The following EPHA6 variants were observed in gnomAD, a reference collection of about 807,000 sequenced individuals.
EPHA6 encodes the protein EPH receptor A6.
EPHA6 carries 50 observed loss-of-function variants against 112.0 expected under a neutral mutation model. That is an observed-to-expected ratio of 0.45 (90% CI 0.36 to 0.56). The LOEUF is 0.56. Ranked by LOEUF, EPHA6 falls within the 20% of genes least tolerant of loss-of-function variation. The pLI is 0.00. For missense variants in EPHA6, 1,280 were observed against 1,417.4 expected (o/e 0.90, Z 1.56); for synonymous variants, 529 against 490.7 (o/e 1.08, Z -1.03).
Position 97,616,867 on chromosome 3 carries a change from C to G in EPHA6, c.2574+6013C>G, listed in dbSNP as rs538681614. On this transcript the variant is annotated intron_variant, in intron 13 of 17. Coordinates refer to ENST00000389672, the MANE Select transcript of EPHA6 (RefSeq NM_001080448.3). ...ATGTAGAAAACATATTTCAGAATAT[C>G]ATCCATGAGAACTTACCCAACCAAG... 2.6e-5 allele frequency among the ~76,000 whole-genome samples: 4 copies of G among 152,184 alleles called. No individual in the cohort carries two copies. In the East Asian group the frequency reaches 7.7e-4, roughly 29 times the overall value.
At chr3:97,396,313 C>T (rs529232846) in intron 5 of EPHA6, among the ~76,000 whole-genome samples, 1 of 147,658 alleles carries the variant, frequency 6.8e-6, no homozygotes, top group Non-Finnish European at 1.5e-5. Flanking sequence ...ATAGGTAAAC[C>T]TTAATATATC....
chr3:97,282,340 A>G (rs1214242657), intron 5 of EPHA6, among the ~76,000 whole-genome samples: 7 of 152,168 alleles, frequency 4.6e-5, no homozygotes, highest in African/African-American at 1.4e-4. Context: ...GAAACAACAG[A>G]TGCCGGCGAG....
At chr3:97,409,866 A>G (rs946501135) in intron 6 of EPHA6, among the ~76,000 whole-genome samples, 2 of 152,134 alleles carry the variant, frequency 1.3e-5, no homozygotes, top group Non-Finnish European at 2.9e-5. Context: ...AGCATTTCTT[A>G]TATCCAGATG....
chr3:97,760,432 T>C lies in EPHA6; in HGVS notation c.*11731T>C, dbSNP rs1340746125. The C allele has an allele frequency of 5.9e-6, 1 of 170,502 alleles. No homozygotes were observed. Among genetic ancestry groups the C allele is most frequent in the Admixed American group, 6.5e-5 (1 of 15,482 alleles). The allele number at this position is 170,502 out of a possible 1,614,324, so 10.6% of individuals were successfully genotyped here. A position where few individuals can be genotyped will look rare whatever the true frequency, so the allele number is the denominator to read the frequency against. ...TATATATATCTCTCTAGGTTGTATG[T>C]AATTCAATATGTTGGAATTTAAAGA... On this transcript the variant is annotated 3_prime_UTR_variant, in exon 18 of 18. Coordinates refer to ENST00000389672, the MANE Select transcript of EPHA6 (RefSeq NM_001080448.3).
chr3:97,493,216 G>A (rs9811562), intron 10 of EPHA6, among the ~76,000 whole-genome samples: 9,482 of 150,682 alleles, frequency 0.063, 899 homozygotes, highest in African/African-American at 0.21. Context: ...GTGTGTGTGT[G>A]TGTATACATA....
At position 96,905,708 on chromosome 3, in the gene EPHA6, G is replaced by T. The variant is rs534937763; in HGVS notation, c.450+38819G>T. 6.6e-3 allele frequency among the ~76,000 whole-genome samples: 976 copies of T among 148,186 alleles called. 6 individuals carry two copies. The highest frequency in any genetic ancestry group is 0.022 in the African/African-American group (882 of 40,460). On this transcript the variant is annotated intron_variant, in intron 2 of 17. Coordinates refer to ENST00000389672, the MANE Select transcript of EPHA6 (RefSeq NM_001080448.3). ...GGAGACTATTAATTATTCTCATTAG[G>T]TTTTTTTTTTAACTATTTTAGGAAT...
Position 97,029,415 on chromosome 3 carries a change from A to T in EPHA6, c.1114+41422A>T, listed in dbSNP as rs539109579. ...TTGAAGATAAATGAGGAAAAGGCCT[A>T]AAATAGTTTATGTAAGAGAAATACT... On this transcript the variant is annotated intron_variant, in intron 3 of 17. Transcript: ENST00000389672. Among the ~76,000 whole-genome samples, 12 of 152,100 alleles carry T rather than the reference A, an allele frequency of 7.9e-5. 1 individual carries two copies. The South Asian group carries it at 2.5e-3, about 32-fold the overall frequency.
At chr3:97,511,150 C>T (rs1230120536) in intron 10 of EPHA6, among the ~76,000 whole-genome samples, 4 of 152,084 alleles carry the variant, frequency 2.6e-5, no homozygotes, top group African/African-American at 4.8e-5. Context: ...GACCACTTGG[C>T]TCCATGGCTT....
chr3:97,692,391 A>G (rs923738567), intron 14 of EPHA6, among the ~76,000 whole-genome samples: 1 of 152,188 alleles, frequency 6.6e-6, no homozygotes, highest in Non-Finnish European at 1.5e-5. Context: ...TTTGATCAGA[A>G]TTTTTAAAGA....
At chr3:97,711,355 G>A (rs186168999) in intron 14 of EPHA6, among the ~76,000 whole-genome samples, 13 of 151,786 alleles carry the variant, frequency 8.6e-5, no homozygotes, top group African/African-American at 2.7e-4. Flanking sequence ...TTTATCAGAA[G>A]CAAGAAAATG....
At chr3:97,242,950 A>T (rs1292536809) in intron 4 of EPHA6, among the ~76,000 whole-genome samples, 1 of 151,842 alleles carries the variant, frequency 6.6e-6, no homozygotes, top group Admixed American at 6.6e-5. Context: ...CACATATAGT[A>T]CTTAGCATAG....
chr3:97,107,998 G>T (rs2047617743), intron 3 of EPHA6, among the ~76,000 whole-genome samples: 2 of 152,244 alleles, frequency 1.3e-5, no homozygotes, highest in South Asian at 2.1e-4. Flanking sequence ...TGCTAGAATT[G>T]TTATTGTATA....
At chr3:97,326,235 C>T (rs2082413258) in intron 5 of EPHA6, among the ~76,000 whole-genome samples, 1 of 151,444 alleles carries the variant, frequency 6.6e-6, no homozygotes, top group Non-Finnish European at 1.5e-5. Context: ...TCATGGAATC[C>T]CCTTAATAAT....
intron 12 of EPHA6, among the ~76,000 whole-genome samples, chr3:97,596,902 A>ATATATATATATG (rs1488752484): frequency 8.4e-4 from 96 of 114,310 alleles, no homozygotes; most frequent in African/African-American, 2.7e-3. Flanking sequence ...ATATATATAT[A>ATATATATATATG]TATGTATGTA....
At chr3:97,466,673 T>A (rs1334878206) in intron 7 of EPHA6, among the ~76,000 whole-genome samples, 2 of 151,894 alleles carry the variant, frequency 1.3e-5, no homozygotes, top group African/African-American at 4.8e-5. Flanking sequence ...CATCTACATA[T>A]ACCCTATTCT....
chr3:96,872,483 T>C (rs2036685840), intron 2 of EPHA6, among the ~76,000 whole-genome samples: 1 of 152,158 alleles, frequency 6.6e-6, no homozygotes, highest in Non-Finnish European at 1.5e-5. Flanking sequence ...CTCCAAAGAA[T>C]GTTTTTTAAC....
intron 3 of EPHA6, among the ~76,000 whole-genome samples, chr3:97,214,679 CAT>C (rs1382397977): frequency 2.0e-5 from 3 of 151,902 alleles, no homozygotes; most frequent in Non-Finnish European, 4.4e-5. Flanking sequence ...AATTTCAAAA[CAT>C]ATTTCAGAAA....
chr3:96,855,139 A>G (rs1041055118), intron 1 of EPHA6, among the ~76,000 whole-genome samples: 10 of 152,094 alleles, frequency 6.6e-5, no homozygotes, highest in Non-Finnish European at 1.5e-4. Flanking sequence ...CTGGAGTCAC[A>G]TCTTCCACTA....
At chr3:97,591,203 C>T (rs2093540963) in intron 11 of EPHA6, among the ~76,000 whole-genome samples, 1 of 152,136 alleles carries the variant, frequency 6.6e-6, no homozygotes, top group Admixed American at 6.6e-5. Flanking sequence ...TTGGCCTCAC[C>T]TGTTAAAATA....
Sources: allele counts gnomAD v4.1 joint callset (sites outside exome capture counted in the v4.1 genomes callset), GRCh38; gene constraint gnomAD v4.1.1; transcripts MANE v1.5; gene names NCBI Gene and HGNC (gene_info 2026-07-23, HGNC 2026-07-21).